The following VPS41 variants were observed in gnomAD, a reference collection of about 807,000 sequenced individuals.
The protein encoded by VPS41 is VPS41 subunit of HOPS complex.
In VPS41, 85 loss-of-function variants were observed where a neutral mutation model predicts 130.9. The ratio of observed to expected loss-of-function variants is 0.65; its 90% confidence interval spans 0.55 to 0.78. The LOEUF is 0.78. VPS41 is among the 30% of genes least tolerant of loss of function. The pLI, the probability that VPS41 is intolerant of heterozygous loss-of-function variation, is 0.00. For missense variants in VPS41, 874 were observed against 1,018.7 expected, an observed-to-expected ratio of 0.86 and a Z score of 1.93; for synonymous variants, 335 against 332.9, an observed-to-expected ratio of 1.01 and a Z score of -0.07.
At chr7:38,800,810 T>C (rs1029584189) in intron 7 of VPS41, among the ~76,000 whole-genome samples, 1 of 152,122 alleles carries the variant, frequency 6.6e-6, no homozygotes. Context: ...CACTCCAGCC[T>C]GGGCAACAAG....
chr7:38,752,056 C>T, intron 22 of VPS41, 120 bp downstream of exon 22: 1 of 1,400,798 alleles, frequency 7.1e-7, no homozygotes, highest in Admixed American at 2.1e-5. Context: ...TTGAGAGCAA[C>T]AGTCTTCCCC....
At chr7:38,888,747 T>A (rs377139677) in intron 2 of VPS41, among the ~76,000 whole-genome samples, 24 of 152,192 alleles carry the variant, frequency 1.6e-4, no homozygotes, top group African/African-American at 5.8e-4. Context: ...CACATTGCAC[T>A]TATTCTAAAA....
chr7:38,900,768 C>T (rs1787122918), intron 1 of VPS41, among the ~76,000 whole-genome samples: 1 of 152,194 alleles, frequency 6.6e-6, no homozygotes, highest in African/African-American at 2.4e-5. Flanking sequence ...GACTTGCCTT[C>T]AGCACCACTA....
intron 2 of VPS41, among the ~76,000 whole-genome samples, chr7:38,883,967 C>G (rs1000749855): frequency 3.3e-5 from 5 of 152,204 alleles, no homozygotes; most frequent in Non-Finnish European, 7.3e-5. Flanking sequence ...AAGCCAAGTG[C>G]TATGTGGAAG....
chr7:38,761,107 CAAAA>C (rs1364373314), intron 17 of VPS41, among the ~76,000 whole-genome samples: 3 of 151,978 alleles, frequency 2.0e-5, no homozygotes, highest in African/African-American at 7.2e-5. Flanking sequence ...TTTGTAGAAC[CAAAA>C]TAATATTTCA....
At chr7:38,843,515 T>G (rs969826988) in intron 4 of VPS41, among the ~76,000 whole-genome samples, 7 of 150,770 alleles carry the variant, frequency 4.6e-5, no homozygotes, top group African/African-American at 9.8e-5. Context: ...ACCCTGTTTC[T>G]ACTAAAAATA....
At chr7:38,867,303 T>C (rs1319147280) in intron 3 of VPS41, among the ~76,000 whole-genome samples, 3 of 152,126 alleles carry the variant, frequency 2.0e-5, no homozygotes, top group Admixed American at 1.3e-4. Context: ...CTCAGCACTT[T>C]GGGAGGCTGA....
chr7:38,784,568 G>A (rs562700370), intron 10 of VPS41, among the ~76,000 whole-genome samples: 5 of 151,432 alleles, frequency 3.3e-5, no homozygotes, highest in African/African-American at 1.2e-4. Context: ...CCAGGAGGCT[G>A]AGGTTGCAGT....
intron 8 of VPS41, 106 bp from the exon 9 acceptor site, chr7:38,795,717 T>G (rs1260704591): frequency 9.7e-7 from 1 of 1,033,014 alleles, no homozygotes; most frequent in Non-Finnish European, 1.4e-6. Flanking sequence ...CGGAGAAATA[T>G]TAGCAGTGTT....
At chr7:38,863,793 C>G (rs567763098) in intron 3 of VPS41, among the ~76,000 whole-genome samples, 15 of 152,282 alleles carry the variant, frequency 9.9e-5, no homozygotes, top group African/African-American at 3.6e-4. Flanking sequence ...CTGAATGCAC[C>G]AGGTGCCATG....
intron 4 of VPS41, among the ~76,000 whole-genome samples, chr7:38,860,006 T>C (rs1461830845): frequency 6.6e-6 from 1 of 152,214 alleles, no homozygotes; most frequent in East Asian, 1.9e-4. Context: ...AGTATTAATA[T>C]ACATAATAAA....
At chr7:38,771,554 C>G (rs1213323101) in intron 13 of VPS41, among the ~76,000 whole-genome samples, 2 of 152,184 alleles carry the variant, frequency 1.3e-5, no homozygotes, top group African/African-American at 2.4e-5. Flanking sequence ...AATGGAATCA[C>G]ATTTCAGACA....
chr7:38,903,691 C>T (rs923895845), intron 1 of VPS41, among the ~76,000 whole-genome samples: 7 of 152,036 alleles, frequency 4.6e-5, no homozygotes, highest in Non-Finnish European at 1.0e-4. Flanking sequence ...CTGATATAGG[C>T]ACAGGAAGGA....
At chr7:38,758,839 C>A (rs970341336) in intron 17 of VPS41, among the ~76,000 whole-genome samples, 4 of 152,162 alleles carry the variant, frequency 2.6e-5, no homozygotes, top group African/African-American at 9.7e-5. Context: ...AGTAATGAAG[C>A]TTTCATTAAA....
intron 1 of VPS41, among the ~76,000 whole-genome samples, chr7:38,903,157 G>C (rs1483252848): frequency 2.0e-5 from 3 of 152,200 alleles, no homozygotes; most frequent in African/African-American, 7.2e-5. Flanking sequence ...CAGGAAGGTA[G>C]CACCTTCCAA....
intron 2 of VPS41, among the ~76,000 whole-genome samples, chr7:38,887,922 T>C (rs1366836798): frequency 6.6e-6 from 1 of 152,086 alleles, no homozygotes; most frequent in Non-Finnish European, 1.5e-5. Context: ...TCATATCCAG[T>C]CAAACTAAGC....
At chr7:38,897,257 A>T (rs1018103145) in intron 2 of VPS41, among the ~76,000 whole-genome samples, 2 of 151,932 alleles carry the variant, frequency 1.3e-5, no homozygotes, top group African/African-American at 2.4e-5. Context: ...TTGAAAATAA[A>T]TTTTTTAAAA....
At chr7:38,909,057 C>A (rs1279279651) in intron 1 of VPS41, 97 bp downstream of exon 1, 1 of 1,462,672 alleles carries the variant, frequency 6.8e-7, no homozygotes, top group African/African-American at 1.4e-5. Context: ...GCTATTCCAG[C>A]AGCTCCGCAC....
At chr7:38,863,774 C>A (rs1416153089) in intron 3 of VPS41, among the ~76,000 whole-genome samples, 2 of 152,202 alleles carry the variant, frequency 1.3e-5, no homozygotes, top group East Asian at 3.8e-4. Context: ...TTCCGCTGCA[C>A]AGGCCTGCCT....
Sources: gnomAD v4.1 joint callset for allele counts (sites outside exome capture counted in the v4.1 genomes callset) on GRCh38, gnomAD v4.1.1 for gene constraint, MANE v1.5 for transcripts, NCBI Gene and HGNC (gene_info 2026-07-23, HGNC 2026-07-21) for gene names.